Variants in GPR35 observed in about 807,000 individuals in gnomAD.
The protein encoded by GPR35 is G protein-coupled receptor 35.
For synonymous variants in GPR35, 207 were observed against 198.4 expected (o/e 1.04, Z -0.36); for missense variants, 372 against 422.5 (o/e 0.88, Z 1.05).
chr2:240,610,881 G>A (rs991344852), intron 2 of GPR35, among the ~76,000 whole-genome samples: 2 of 151,346 alleles, frequency 1.3e-5, no homozygotes, highest in African/African-American at 4.9e-5. Context: ...TGATCTGCCT[G>A]TCTCGGCCAC....
At chr2:240,623,357 G>A (rs545115600), upstream of GPR35, among the ~76,000 whole-genome samples, 35 of 139,046 alleles carry the variant, frequency 2.5e-4, no homozygotes, top group African/African-American at 3.5e-4. Flanking sequence ...GCGCAAACAG[G>A]TCGTGAGGGC....
At chr2:240,622,099 C>G (rs982808461), upstream of GPR35, among the ~76,000 whole-genome samples, 14 of 151,892 alleles carry the variant, frequency 9.2e-5, no homozygotes, top group Non-Finnish European at 1.6e-4. Flanking sequence ...AGGCTGGTCT[C>G]AAACTTCTGG....
At chr2:240,616,371 C>T (rs1475213309) in intron 2 of GPR35, 1 of 761,524 alleles carries the variant, frequency 1.3e-6, no homozygotes, top group Non-Finnish European at 2.4e-6. Context: ...TCCTCCGTCT[C>T]TCTATTCCCC....
At position 240,630,769 on chromosome 2, in the gene GPR35, G is replaced by C; in HGVS notation, c.817G>C (p.Ala273Pro). Reference protein sequence around the residue: ...KLSDANCCLDAICYYYMAKEF... With the variant: ...KLSDANCCLDPICYYYMAKEF... ...CTCAGATGCCAACTGCTGCCTGGAC[G>C]CCATCTGCTACTACTACATGGCCAA... The change falls in exon 2 of 2, where the codon GCC (alanine) becomes CCC (proline). Residue 273 changes from alanine to proline, a missense_variant. Coordinates refer to ENST00000407714, the MANE Select transcript of GPR35 (RefSeq NM_005301.5). The C allele has an allele frequency of 6.2e-7, 1 of 1,613,550 alleles. No individual in the cohort carries two copies. The highest frequency in any genetic ancestry group is 1.1e-5 in the South Asian group (1 of 91,090).
chr2:240,623,753 G>A (rs916139785), upstream of GPR35, among the ~76,000 whole-genome samples: 6 of 152,138 alleles, frequency 3.9e-5, no homozygotes, highest in East Asian at 3.9e-4. Context: ...GGAACCTGGT[G>A]GCAAGGGGCC....
chr2:240,630,043 C>T lies in GPR35; in HGVS notation c.91C>T (p.Leu31=). Residue 31 remains leucine, a synonymous_variant, in exon 2 of 2, where the codon CTG becomes TTG. Transcript: ENST00000407714. ...CTTCTACGCCTACTTGGGCGTCCTG[C>T]TGGTGCTAGGCCTGCTGCTCAACAG... The part of the protein sequence containing the change: ...LGFYAYLGVL[L]VLGLLLNSLA... The T allele has an allele frequency of 6.2e-7, 1 of 1,612,720 alleles. No homozygotes were observed.
Position 240,630,287 on chromosome 2 carries a change from T to C in GPR35, c.335T>C (p.Val112Ala). The change falls in exon 2 of 2, where the codon GTG becomes GCG. Residue 112 changes from valine to alanine, a missense_variant. Coordinates refer to ENST00000407714, the MANE Select transcript of GPR35 (RefSeq NM_005301.5). ...ATCAGCCTGGTCACGGCCATCGCCGTGGACCGCTATGTGGCCGTGCGGCAC... is the reference window on the plus strand; with the variant it reads ...ATCAGCCTGGTCACGGCCATCGCCGCGGACCGCTATGTGGCCGTGCGGCAC... Reference protein sequence around the residue: ...MSISLVTAIAVDRYVAVRHPL... With the variant: ...MSISLVTAIAADRYVAVRHPL... 3.8e-6 allele frequency: 6 copies of C among 1,568,172 alleles called. No individual in the cohort carries two copies. Among genetic ancestry groups the C allele is most frequent in the Non-Finnish European group, 5.2e-6 (6 of 1,161,878 alleles).
intron 2 of GPR35, chr2:240,607,272 TCCTG>T (rs1462030199): frequency 6.6e-6 from 1 of 151,938 alleles, no homozygotes; most frequent in Non-Finnish European, 1.5e-5. Context: ...AGCCTCAACC[TCCTG>T]GGCTCAGGTG....
intron 2 of GPR35, among the ~76,000 whole-genome samples, chr2:240,614,918 A>G (rs985322470): frequency 7.2e-5 from 11 of 152,056 alleles, no homozygotes; most frequent in African/African-American, 2.7e-4. Flanking sequence ...GTGTGCATAT[A>G]TATGCATTTG....
chr2:240,622,796 C>G (rs1360707748), upstream of GPR35, among the ~76,000 whole-genome samples: 1 of 152,116 alleles, frequency 6.6e-6, no homozygotes, highest in African/African-American at 2.4e-5. Context: ...GGGGGCTAAC[C>G]TTGGGGGTGA....
Position 240,630,963 on chromosome 2 carries a change from C to T in GPR35, c.*81C>T. ...TGCCAGGGGAAGCTGGAACCAGTAG[C>T]AAGGAGCCCGAGATCAGCCCTGAAC... On this transcript the variant is annotated 3_prime_UTR_variant, in exon 2 of 2. Transcript: ENST00000407714. The T allele has an allele frequency of 1.6e-6, 2 of 1,250,686 alleles. No individual in the cohort carries two copies. The highest frequency in any genetic ancestry group is 2.3e-6 in the Non-Finnish European group (2 of 875,514). 77.5% of individuals were successfully genotyped at this position (1,250,686 alleles called of 1,614,324 possible). A position where few individuals can be genotyped will look rare whatever the true frequency, so the allele number is the denominator to read the frequency against.
rs781442714 is a variant in GPR35 at position 240,630,134 on chromosome 2, A to G, written c.182A>G (p.Asn61Ser). Residue 61 changes from asparagine (N) to serine (S), a missense_variant, in exon 2 of 2, where the codon AAC becomes AGC. Coordinates refer to ENST00000407714, the MANE Select transcript of GPR35 (RefSeq NM_005301.5). ...ACGGAGACCCGCATCTACATGACCA[A>G]CCTGGCGGTGGCCGACCTCTGCCTG... ...QWTETRIYMT[N>S]LAVADLCLLC... 1.2e-6 allele frequency: 2 copies of G among 1,603,326 alleles called. No individual in the cohort carries two copies. Among genetic ancestry groups the G allele is most frequent in the East Asian group, 4.5e-5 (2 of 44,768 alleles).
chr2:240,623,723 A>G (rs934413285), upstream of GPR35, among the ~76,000 whole-genome samples: 1 of 151,876 alleles, frequency 6.6e-6, no homozygotes, highest in African/African-American at 2.4e-5. Flanking sequence ...GGCTGGGGAC[A>G]GCGTTTCCTG....
At chr2:240,612,526 T>C (rs967329495) in intron 2 of GPR35, among the ~76,000 whole-genome samples, 2 of 151,446 alleles carry the variant, frequency 1.3e-5, no homozygotes, top group Admixed American at 6.6e-5. Flanking sequence ...TGCTCTGGGC[T>C]CTAGGGACAT....
chr2:240,629,614 A>T, intron 1 of GPR35: 2 of 240,880 alleles, frequency 8.3e-6, no homozygotes, highest in Non-Finnish European at 1.6e-5. Flanking sequence ...CTCCCTGTCC[A>T]GGATTTGCGC....
chr2:240,608,952 G>A (rs1332459444), intron 2 of GPR35, among the ~76,000 whole-genome samples: 1 of 152,108 alleles, frequency 6.6e-6, no homozygotes, highest in East Asian at 1.9e-4. Context: ...GTAAATTTTG[G>A]CAAGTTGTGA....
At chr2:240,625,603 C>T (rs1224420142) in intron 1 of GPR35, 35 bp downstream of exon 1, 23 of 935,692 alleles carry the variant, frequency 2.5e-5, no homozygotes, top group East Asian at 1.3e-4. Flanking sequence ...GGCCTCCCAG[C>T]GGGGCAGGGG....
chr2:240,611,119 T>C (rs1289783679), intron 2 of GPR35, among the ~76,000 whole-genome samples: 2 of 151,410 alleles, frequency 1.3e-5, no homozygotes, highest in Non-Finnish European at 3.0e-5. Flanking sequence ...TTTGTTTGTT[T>C]TTGTTTTTGT....
Position 240,631,268 on chromosome 2 carries a change from C to G in GPR35, c.*386C>G. 4.0e-6 allele frequency: 1 copy of G among 253,070 alleles called. No individual in the cohort carries two copies. The highest frequency in any genetic ancestry group is 8.2e-6 in the Non-Finnish European group (1 of 122,074). The allele number at this position is 253,070 out of a possible 1,614,324, so 15.7% of individuals were successfully genotyped here. On this transcript the variant is annotated 3_prime_UTR_variant, in exon 2 of 2. Coordinates refer to ENST00000407714, the MANE Select transcript of GPR35 (RefSeq NM_005301.5). ...ACCCAGAGTCAGTCCTAGTGGGGCC[C>G]TCTGTGTTTCGCACTCGTGTGGTGG...
Sources: gnomAD v4.1 joint callset for allele counts (sites outside exome capture counted in the v4.1 genomes callset) on GRCh38, gnomAD v4.1.1 for gene constraint, MANE v1.5 for transcripts, NCBI Gene and HGNC (gene_info 2026-07-23, HGNC 2026-07-21) for gene names.